Variants in EYA4 observed in about 807,000 individuals in gnomAD.
EYA4 encodes EYA transcriptional coactivator and phosphatase 4, also known as protein phosphatase EYA4.
In EYA4, 31 loss-of-function variants were observed where a neutral mutation model predicts 87.9. That is an observed-to-expected ratio of 0.35 (90% CI 0.27 to 0.48). The LOEUF (loss-of-function observed/expected upper bound fraction) is 0.48. Among genes scored for constraint, EYA4 ranks in the 20% least tolerant of loss-of-function variants. The pLI is 0.99. For missense variants in EYA4, 678 were observed against 761.4 expected, an observed-to-expected ratio of 0.89 and a Z score of 1.29; for synonymous variants, 263 against 270.6, an observed-to-expected ratio of 0.97 and a Z score of 0.28.
Position 133,461,896 on chromosome 6 carries a change from G to A in EYA4, c.438-439G>A, listed in dbSNP as rs1486891438. On this transcript the variant is annotated intron_variant, in intron 7 of 19. Coordinates refer to ENST00000355286, the MANE Select transcript of EYA4 (RefSeq NM_004100.5). ...ATTCTTGGGAGCGAATTCTTAGTAG[G>A]GCTTTTAAATAGACTTCCATAGTCT... 2.0e-5 allele frequency among the ~76,000 whole-genome samples: 3 copies of A among 150,950 alleles called. No individual in the cohort carries two copies. In the East Asian group the frequency reaches 5.9e-4, roughly 30 times the overall value.
intron 5 of EYA4, among the ~76,000 whole-genome samples, chr6:133,449,495 A>G (rs1477000024): frequency 6.6e-6 from 1 of 152,206 alleles, no homozygotes; most frequent in Non-Finnish European, 1.5e-5. Context: ...ACATTTTTCT[A>G]AGTGGTAAGC....
chr6:133,250,875 C>G (rs1774840994), intron 1 of EYA4, among the ~76,000 whole-genome samples: 1 of 152,080 alleles, frequency 6.6e-6, no homozygotes, highest in Admixed American at 6.6e-5. Flanking sequence ...GTTGTTATTA[C>G]TATGATTGGG....
intron 2 of EYA4, among the ~76,000 whole-genome samples, chr6:133,310,259 T>C (rs1170131318): frequency 1.3e-5 from 2 of 152,216 alleles, no homozygotes; most frequent in Non-Finnish European, 2.9e-5. Flanking sequence ...TCTTAGTGCC[T>C]TGTTATTTCG....
chr6:133,421,481 T>A (rs1790218680), intron 3 of EYA4, among the ~76,000 whole-genome samples: 1 of 152,212 alleles, frequency 6.6e-6, no homozygotes, highest in South Asian at 2.1e-4. Context: ...AATTTGGTGA[T>A]GATATGTCTT....
At chr6:133,366,814 T>C (rs1031494101) in intron 2 of EYA4, among the ~76,000 whole-genome samples, 1 of 152,242 alleles carries the variant, frequency 6.6e-6, no homozygotes. Context: ...GTGGTCTTTT[T>C]CAAAGTAGCA....
chr6:133,507,417 G>A (rs1477844933), intron 14 of EYA4: 3 of 151,810 alleles, frequency 2.0e-5, no homozygotes, highest in South Asian at 2.1e-4. Context: ...GAGTACATGC[G>A]CAGAACGTGC....
intron 2 of EYA4, among the ~76,000 whole-genome samples, chr6:133,372,856 T>C (rs1347498857): frequency 6.6e-6 from 1 of 151,872 alleles, no homozygotes; most frequent in Non-Finnish European, 1.5e-5. Flanking sequence ...GTTTTTAAAG[T>C]TAAAGAATTT....
At chr6:133,380,194 A>G (rs1018016931) in intron 2 of EYA4, among the ~76,000 whole-genome samples, 1 of 152,190 alleles carries the variant, frequency 6.6e-6, no homozygotes, top group African/African-American at 2.4e-5. Context: ...GAACAAATGA[A>G]TGAAACCTCT....
chr6:133,507,485 C>T (rs923813477), intron 14 of EYA4, among the ~76,000 whole-genome samples: 1 of 152,062 alleles, frequency 6.6e-6, no homozygotes, highest in African/African-American at 2.4e-5. Flanking sequence ...ATCAACCCGT[C>T]ATCTACATTA....
At chr6:133,297,226 T>C (rs1024210517) in intron 2 of EYA4, among the ~76,000 whole-genome samples, 1 of 152,216 alleles carries the variant, frequency 6.6e-6, no homozygotes, top group Non-Finnish European at 1.5e-5. Context: ...TTGAACTTTA[T>C]TTGTGGGAAT....
At chr6:133,387,089 A>G (rs1786816857) in intron 3 of EYA4, among the ~76,000 whole-genome samples, 2 of 152,220 alleles carry the variant, frequency 1.3e-5, no homozygotes, top group African/African-American at 4.8e-5. Flanking sequence ...TTTAATATGT[A>G]ATATTTAAGT....
intron 1 of EYA4, among the ~76,000 whole-genome samples, chr6:133,259,180 T>A (rs949586655): frequency 6.6e-6 from 1 of 152,172 alleles, no homozygotes; most frequent in Non-Finnish European, 1.5e-5. Context: ...TAATTCCCTG[T>A]TGGGAAACAA....
chr6:133,296,373 T>G (rs1778945820), intron 2 of EYA4, among the ~76,000 whole-genome samples: 1 of 152,128 alleles, frequency 6.6e-6, no homozygotes, highest in Non-Finnish European at 1.5e-5. Context: ...ATAGTGTGCC[T>G]TGTGTTTTAG....
chr6:133,488,003 C>G (rs1796825742), intron 13 of EYA4, among the ~76,000 whole-genome samples: 1 of 152,142 alleles, frequency 6.6e-6, no homozygotes, highest in Non-Finnish European at 1.5e-5. Context: ...GGGGTGCCCA[C>G]TGCCCTGAAG....
intron 3 of EYA4, among the ~76,000 whole-genome samples, chr6:133,401,281 T>G (rs2128515207): frequency 6.6e-6 from 1 of 152,202 alleles, no homozygotes; most frequent in East Asian, 1.9e-4. Flanking sequence ...AGATTTTGGT[T>G]AATGGGTACA....
At chr6:133,490,246 AGAAG>A (rs1453577697) in intron 13 of EYA4, among the ~76,000 whole-genome samples, 1 of 152,184 alleles carries the variant, frequency 6.6e-6, no homozygotes, top group Non-Finnish European at 1.5e-5. Context: ...GAAGACAAGA[AGAAG>A]GAAGAGGAAA....
At chr6:133,253,971 C>G (rs1428355268) in intron 1 of EYA4, among the ~76,000 whole-genome samples, 1 of 152,148 alleles carries the variant, frequency 6.6e-6, no homozygotes, top group Non-Finnish European at 1.5e-5. Flanking sequence ...GGTCCCAAAC[C>G]AGACATCTGC....
chr6:133,321,906 A>T (rs781127611), intron 2 of EYA4, among the ~76,000 whole-genome samples: 2 of 152,156 alleles, frequency 1.3e-5, no homozygotes, highest in Non-Finnish European at 2.9e-5. Flanking sequence ...CCTGCTCTGG[A>T]CGTAGAGGCC....
intron 2 of EYA4, among the ~76,000 whole-genome samples, chr6:133,279,217 A>G (rs935743562): frequency 6.6e-6 from 1 of 152,164 alleles, no homozygotes; most frequent in African/African-American, 2.4e-5. Flanking sequence ...ATAAAGTAAA[A>G]CATTCGTGAA....
Sources: gnomAD v4.1 joint callset for allele counts (sites outside exome capture counted in the v4.1 genomes callset) on GRCh38, gnomAD v4.1.1 for gene constraint, MANE v1.5 for transcripts, NCBI Gene and HGNC (gene_info 2026-07-23, HGNC 2026-07-21) for gene names.